Variants in ST8SIA4 observed in about 807,000 individuals in gnomAD.
ST8SIA4 encodes the protein CMP-N-acetylneuraminate-poly-alpha-2,8-sialyltransferase.
In ST8SIA4, 15 loss-of-function variants were observed where a neutral mutation model predicts 33.9. The observed-to-expected ratio is 0.44, with a 90% CI of 0.30 to 0.68. ST8SIA4 has a LOEUF of 0.68. Among genes scored for constraint, ST8SIA4 ranks in the 30% least tolerant of loss-of-function variants. The pLI, the probability that ST8SIA4 is intolerant of heterozygous loss-of-function variation, is 0.10. For synonymous variants in ST8SIA4, 171 were observed against 151.2 expected (o/e 1.13, Z -0.96); for missense variants, 321 against 428.0 (o/e 0.75, Z 2.21).
At chr5:100,835,058 A>G (rs909058740) in intron 4 of ST8SIA4, among the ~76,000 whole-genome samples, 1 of 152,152 alleles carries the variant, frequency 6.6e-6, no homozygotes, top group Non-Finnish European at 1.5e-5. Context: ...ATGTCTTCCA[A>G]TTTACATTCT....
rs994035751 is a variant in ST8SIA4, at chr5:100,810,167, G to A, written c.*1680C>T. On this transcript the variant is annotated 3_prime_UTR_variant, in exon 5 of 5. Coordinates refer to ENST00000231461, the MANE Select transcript of ST8SIA4 (RefSeq NM_005668.6). ...TACTATCATAAGTTACCAGAAAACTGGCCTATTGGTCAATTCTGTTATACA... is the reference window on the plus strand; with the variant it reads ...TACTATCATAAGTTACCAGAAAACTAGCCTATTGGTCAATTCTGTTATACA... The A allele has an allele frequency of 1.3e-5, 2 of 151,926 alleles. No homozygotes were observed. The highest frequency in any genetic ancestry group is 2.4e-5 in the African/African-American group (1 of 41,362). The allele number at this position is 151,926 out of a possible 1,614,324, so 9.4% of individuals were successfully genotyped here.
chr5:100,850,106 C>A (rs572430375), intron 4 of ST8SIA4, among the ~76,000 whole-genome samples: 2 of 152,086 alleles, frequency 1.3e-5, no homozygotes, highest in African/African-American at 4.8e-5. Flanking sequence ...GCAAAACCCA[C>A]AACTACTTTT....
chr5:100,883,449 C>T (rs1032021755), intron 3 of ST8SIA4, among the ~76,000 whole-genome samples: 2 of 152,074 alleles, frequency 1.3e-5, no homozygotes, highest in Non-Finnish European at 2.9e-5. Context: ...TTGTCTCAGA[C>T]GGAACTTTGA....
intron 3 of ST8SIA4, among the ~76,000 whole-genome samples, chr5:100,872,908 G>A (rs1752228561): frequency 6.6e-6 from 1 of 151,088 alleles, no homozygotes; most frequent in South Asian, 2.1e-4. Context: ...AAACATAGTG[G>A]GAGCTCCAGC....
intron 4 of ST8SIA4, among the ~76,000 whole-genome samples, chr5:100,852,257 G>T (rs978806781): frequency 6.6e-6 from 1 of 151,552 alleles, no homozygotes; most frequent in African/African-American, 2.4e-5. Flanking sequence ...AAGTAGCGGG[G>T]ACTACAGGTG....
intron 3 of ST8SIA4, chr5:100,885,735 C>A: frequency 1.1e-6 from 1 of 941,024 alleles, no homozygotes; most frequent in Non-Finnish European, 1.3e-6. Context: ...TAATCAAACA[C>A]ACAATTCATC....
chr5:100,887,981 C>G (rs570412694), intron 2 of ST8SIA4, among the ~76,000 whole-genome samples: 6 of 151,878 alleles, frequency 4.0e-5, no homozygotes, highest in Non-Finnish European at 8.8e-5. Context: ...TTGGAGCCAT[C>G]CAGGCAGCAA....
chr5:100,851,728 T>G (rs966620917), intron 4 of ST8SIA4, among the ~76,000 whole-genome samples: 1 of 152,120 alleles, frequency 6.6e-6, no homozygotes, highest in Non-Finnish European at 1.5e-5. Context: ...TAGTTTGATA[T>G]TGAAACTGAG....
At chr5:100,871,879 A>G (rs1469625177) in intron 3 of ST8SIA4, among the ~76,000 whole-genome samples, 3 of 152,094 alleles carry the variant, frequency 2.0e-5, no homozygotes, top group Non-Finnish European at 4.4e-5. Context: ...GTTGTCTAAT[A>G]TTACATTTAT....
chr5:100,896,632 C>G (rs1752785964), intron 1 of ST8SIA4, among the ~76,000 whole-genome samples: 1 of 152,090 alleles, frequency 6.6e-6, no homozygotes, highest in South Asian at 2.1e-4. Context: ...GCTAATTAGC[C>G]TGATCTTATC....
chr5:100,896,801 T>A (rs1752789122), intron 1 of ST8SIA4, among the ~76,000 whole-genome samples: 1 of 152,308 alleles, frequency 6.6e-6, no homozygotes, highest in Middle Eastern at 3.4e-3. Flanking sequence ...TGCTCCTCCA[T>A]CTGTATAATT....
intron 2 of ST8SIA4, among the ~76,000 whole-genome samples, chr5:100,893,724 T>C (rs1752721561): frequency 6.6e-6 from 1 of 152,168 alleles, no homozygotes; most frequent in African/African-American, 2.4e-5. Flanking sequence ...ATTTACTTAT[T>C]AGATTTTTTG....
At chr5:100,864,448 G>A (rs1323307612) in intron 3 of ST8SIA4, among the ~76,000 whole-genome samples, 4 of 151,780 alleles carry the variant, frequency 2.6e-5, no homozygotes, top group African/African-American at 7.3e-5. Context: ...GGTGGCGGGC[G>A]CCTGCAGTCC....
chr5:100,812,707 G>C (rs1750839490), intron 4 of ST8SIA4, among the ~76,000 whole-genome samples: 1 of 152,086 alleles, frequency 6.6e-6, no homozygotes, highest in Non-Finnish European at 1.5e-5. Context: ...AAAAAAAGTT[G>C]TAGAATAATT....
chr5:100,831,916 A>G (rs1031166678), intron 4 of ST8SIA4, among the ~76,000 whole-genome samples: 1 of 152,174 alleles, frequency 6.6e-6, no homozygotes, highest in East Asian at 1.9e-4. Flanking sequence ...GGGAATCTAC[A>G]TATTGTATGC....
At position 100,903,279 on chromosome 5, in the gene ST8SIA4, C is replaced by T; in HGVS notation, c.-324G>A. The T allele has an allele frequency of 3.0e-6, 1 of 331,144 alleles. No individual in the cohort carries two copies. The highest frequency in any genetic ancestry group is 7.4e-5 in the East Asian group (1 of 13,464). The allele number at this position is 331,144 out of a possible 1,614,324, so 20.5% of individuals were successfully genotyped here. A position where few individuals can be genotyped will look rare whatever the true frequency, so the allele number is the denominator to read the frequency against. Reference sequence around the variant, plus strand: ...CAGCTTCTGCAGCTGGGTTCGGGGGCGTCACTGGCCCTTCCCTCTTGCTAG... The same window carrying T: ...CAGCTTCTGCAGCTGGGTTCGGGGGTGTCACTGGCCCTTCCCTCTTGCTAG... On this transcript the variant is annotated 5_prime_UTR_variant, in exon 1 of 5. Transcript: ENST00000231461.
At chr5:100,901,615 C>T (rs571490149) in intron 1 of ST8SIA4, among the ~76,000 whole-genome samples, 1 of 152,234 alleles carries the variant, frequency 6.6e-6, no homozygotes, top group East Asian at 1.9e-4. Flanking sequence ...TGTATAGATT[C>T]GTTGATGCAT....
intron 2 of ST8SIA4, among the ~76,000 whole-genome samples, chr5:100,889,039 A>G (rs1739892055): frequency 6.6e-6 from 1 of 151,926 alleles, no homozygotes; most frequent in Non-Finnish European, 1.5e-5. Context: ...TTATCTTAAC[A>G]AAGTCCAGGT....
At chr5:100,871,449 A>G (rs1162359422) in intron 3 of ST8SIA4, among the ~76,000 whole-genome samples, 1 of 151,986 alleles carries the variant, frequency 6.6e-6, no homozygotes, top group Non-Finnish European at 1.5e-5. Flanking sequence ...TTTATATCTA[A>G]TTTTACATAC....
Sources: allele counts gnomAD v4.1 joint callset (sites outside exome capture counted in the v4.1 genomes callset), GRCh38; gene constraint gnomAD v4.1.1; transcripts MANE v1.5; gene names NCBI Gene and HGNC (gene_info 2026-07-23, HGNC 2026-07-21).